KDM4C: variants seen among roughly 807,000 people sequenced by gnomAD.
KDM4C encodes the protein lysine demethylase 4C, also known as lysine-specific demethylase 4C.
Under a neutral mutation model 129.3 loss-of-function variants are expected in KDM4C, and 81 were observed. The observed-to-expected ratio is 0.63, with a 90% confidence interval of 0.52 to 0.75. KDM4C has a LOEUF of 0.75. Among genes scored for constraint, KDM4C ranks in the 30% least tolerant of loss-of-function variants. The pLI, the probability that KDM4C is intolerant of heterozygous loss-of-function variation, is 0.00. For missense variants in KDM4C, 1,457 were observed against 1,304.0 expected, an observed-to-expected ratio of 1.12 and a Z score of -1.81; for synonymous variants, 573 against 456.1, an observed-to-expected ratio of 1.26 and a Z score of -3.26.
chr9:7,052,898 A>AGAGAGAGACAGC (rs1477487723), intron 17 of KDM4C, among the ~76,000 whole-genome samples: 1,103 of 47,586 alleles, frequency 0.023, 37 homozygotes, highest in African/African-American at 0.047. Context: ...AGAGAGAGAG[A>AGAGAGAGACAGC]GAGCGAGCGA....
intron 12 of KDM4C, among the ~76,000 whole-genome samples, chr9:7,001,782 C>CAA (rs1820766519): frequency 6.6e-6 from 1 of 151,728 alleles, no homozygotes; most frequent in South Asian, 2.1e-4. Flanking sequence ...TTGCATCATG[C>CAA]TAGTGTTAAT....
chr9:7,094,740 T>C (rs1255969546), intron 17 of KDM4C, among the ~76,000 whole-genome samples: 1 of 152,216 alleles, frequency 6.6e-6, no homozygotes, highest in Non-Finnish European at 1.5e-5. Context: ...TTTATAGCTT[T>C]TCATCACTGT....
chr9:7,017,188 T>G (rs1229402402), intron 15 of KDM4C, among the ~76,000 whole-genome samples: 6 of 152,230 alleles, frequency 3.9e-5, no homozygotes, highest in Non-Finnish European at 8.8e-5. Context: ...CCTCTCACCT[T>G]GGCCTCCTGA....
intron 14 of KDM4C, 39 bp from the exon 15 acceptor site, chr9:7,015,814 A>G: frequency 7.1e-7 from 1 of 1,406,154 alleles, no homozygotes. Flanking sequence ...TTAAAGGTGA[A>G]AAAGACCTAA....
At chr9:6,859,340 T>C (rs1015790191) in intron 5 of KDM4C, among the ~76,000 whole-genome samples, 4 of 151,924 alleles carry the variant, frequency 2.6e-5, no homozygotes, top group Non-Finnish European at 5.9e-5. Context: ...TTCGACGTAG[T>C]GGCCCACGCC....
rs141549519 is a variant in KDM4C at position 6,827,017 on chromosome 9, G to A, written c.435+12272G>A. Among the ~76,000 whole-genome samples the A allele has an allele frequency of 3.9e-3, 595 of 152,338 alleles. 9 individuals are homozygous for A. The highest frequency in any genetic ancestry group is 0.014 in the African/African-American group (569 of 41,578). On this transcript the variant is annotated intron_variant, in intron 4 of 21. Transcript: ENST00000381309. ...ACAGCTCCTGATCTTGTGTTGGTCA[G>A]TGTGGGGCAGGGCACAGTCCACAGT...
chr9:7,038,329 A>G (rs1053544687), intron 15 of KDM4C, among the ~76,000 whole-genome samples: 1 of 152,018 alleles, frequency 6.6e-6, no homozygotes. Flanking sequence ...AAACTACTTA[A>G]GCTGTTTTGT....
chr9:7,002,986 G>A (rs541706501), intron 12 of KDM4C, among the ~76,000 whole-genome samples: 3 of 152,154 alleles, frequency 2.0e-5, no homozygotes, highest in African/African-American at 4.8e-5. Flanking sequence ...TCAGCCTCCC[G>A]AGTAACTGGG....
At chr9:6,792,855 A>G (rs1312445972) in intron 1 of KDM4C, 117 bp from the exon 2 acceptor site, 7 of 997,158 alleles carry the variant, frequency 7.0e-6, no homozygotes, top group Admixed American at 2.0e-5. Flanking sequence ...GGTAGAAGGG[A>G]ATGGGAAGTG....
In KDM4C at chr9:7,052,898, A is replaced by AGAGAGAGAGAGACAGC. The variant is rs1477487723; in HGVS notation, c.2424+3701_2424+3702insAGAGAGAGACAGCGAG. 9.8e-3 allele frequency among the ~76,000 whole-genome samples: 465 copies of AGAGAGAGAGAGACAGC among 47,598 alleles called. 17 individuals are homozygous for AGAGAGAGAGAGACAGC. Among genetic ancestry groups the AGAGAGAGAGAGACAGC allele is most frequent in the African/African-American group, 0.019 (408 of 21,748 alleles). 31.2% of individuals were successfully genotyped at this position (47,598 alleles called of 152,430 possible). On this transcript the variant is annotated intron_variant, in intron 17 of 21. Coordinates refer to ENST00000381309, the MANE Select transcript of KDM4C (RefSeq NM_015061.6). ...GAGAGAGAGAGAGAGAGAGAGAGAG[A>AGAGAGAGAGAGACAGC]GAGCGAGCGAGTGCCCAAGGGATGA...
chr9:6,740,511 G>T (rs1408997008), intron 1 of KDM4C, among the ~76,000 whole-genome samples: 1 of 142,144 alleles, frequency 7.0e-6, no homozygotes, highest in Non-Finnish European at 1.5e-5. Context: ...CCTTTCACCC[G>T]GCCTAATTTT....
intron 17 of KDM4C, among the ~76,000 whole-genome samples, chr9:7,086,132 T>C (rs1415939166): frequency 3.3e-5 from 5 of 152,212 alleles, no homozygotes; most frequent in African/African-American, 4.8e-5. Flanking sequence ...CACTCCAGCC[T>C]GAGCGACAGA....
Position 7,128,201 on chromosome 9 carries a change from T to G in KDM4C, c.2746T>G (p.Ser916Ala), listed in dbSNP as rs1840228325. The G allele has an allele frequency of 6.2e-7, 1 of 1,608,748 alleles. No individual in the cohort carries two copies. The highest frequency in any genetic ancestry group is 1.1e-5 in the South Asian group (1 of 90,276). Residue 916 changes from serine to alanine, a missense_variant, in exon 19 of 22, where the codon TCC becomes GCC. By Grantham distance (99) the Ser-to-Ala change is moderately conservative (BLOSUM62 1). Coordinates refer to ENST00000381309, the MANE Select transcript of KDM4C (RefSeq NM_015061.6). ...CTATGAGGTCATGTTTGATGATGGC[T>G]CCTTTAGCAGAGACACATTTCCTGA... is the stretch of plus-strand genomic sequence containing the variant. ...TFYEVMFDDG[S>A]FSRDTFPEDI... is the part of the protein sequence containing the mutation.
chr9:7,166,716 G>A (rs893848850), intron 20 of KDM4C, among the ~76,000 whole-genome samples: 1 of 152,076 alleles, frequency 6.6e-6, no homozygotes, highest in Non-Finnish European at 1.5e-5. Context: ...CTTACATGTA[G>A]CAAAGCCATT....
intron 17 of KDM4C, among the ~76,000 whole-genome samples, chr9:7,058,271 C>G (rs916347587): frequency 3.4e-5 from 2 of 59,406 alleles, no homozygotes; most frequent in African/African-American, 7.7e-5. Flanking sequence ...CATACTGTTT[C>G]CAACCCTTTT....
At chr9:6,790,338 G>A (rs2130851908) in intron 1 of KDM4C, among the ~76,000 whole-genome samples, 1 of 151,402 alleles carries the variant, frequency 6.6e-6, no homozygotes, top group Admixed American at 6.6e-5. Context: ...TCCGCCTCCT[G>A]GATTCATGCC....
chr9:6,766,613 C>G (rs1166410202), intron 1 of KDM4C, among the ~76,000 whole-genome samples: 1 of 152,026 alleles, frequency 6.6e-6, no homozygotes, highest in Non-Finnish European at 1.5e-5. Context: ...CCTAATTAAA[C>G]TGGCAAGAAG....
intron 1 of KDM4C, among the ~76,000 whole-genome samples, chr9:6,735,353 T>A (rs1206398283): frequency 6.6e-6 from 1 of 152,220 alleles, no homozygotes; most frequent in African/African-American, 2.4e-5. Context: ...AAGGGCTTGT[T>A]GTTTCTTTAC....
intron 15 of KDM4C, among the ~76,000 whole-genome samples, chr9:7,028,356 C>T (rs544500663): frequency 4.3e-4 from 66 of 151,900 alleles, no homozygotes; most frequent in African/African-American, 1.0e-3. Flanking sequence ...AGTTCCCTTC[C>T]GGCCAAGGGT....
Sources: gnomAD v4.1 joint callset for allele counts (sites outside exome capture counted in the v4.1 genomes callset) on GRCh38, gnomAD v4.1.1 for gene constraint, MANE v1.5 for transcripts, NCBI Gene and HGNC (gene_info 2026-07-23, HGNC 2026-07-21) for gene names.